TLR5: variants seen among roughly 807,000 people sequenced by gnomAD.
TLR5 encodes the protein toll-like receptor 5.
For synonymous variants in TLR5, 373 were observed against 384.4 expected (o/e 0.97, Z 0.35); for missense variants, 944 against 999.8 (o/e 0.94, Z 0.75).
At chr1:223,115,955 T>G (rs1376687514) in intron 5 of TLR5, among the ~76,000 whole-genome samples, 1 of 152,182 alleles carries the variant, frequency 6.6e-6, no homozygotes, top group Non-Finnish European at 1.5e-5. Context: ...CTCAGGACCT[T>G]CGCAAGTGCT....
At chr1:223,127,909 C>T (rs1425964404) in intron 5 of TLR5, 2 of 152,522 alleles carry the variant, frequency 1.3e-5, no homozygotes, top group African/African-American at 2.4e-5. Context: ...GCAGCAGCAG[C>T]AGCACCTGGG....
chr1:223,119,339 G>A (rs748737707), intron 5 of TLR5, among the ~76,000 whole-genome samples: 2 of 151,970 alleles, frequency 1.3e-5, no homozygotes, highest in Non-Finnish European at 2.9e-5. Context: ...GTTTTTGCAC[G>A]GTTTTAATAT....
intron 3 of TLR5, among the ~76,000 whole-genome samples, chr1:223,135,922 T>C (rs551381712): frequency 1.4e-4 from 21 of 152,262 alleles, no homozygotes; most frequent in Admixed American, 2.6e-4. Context: ...GACTTTTTTT[T>C]CCCCCTCTCC....
intron 5 of TLR5, among the ~76,000 whole-genome samples, chr1:223,115,468 C>A (rs1347543156): frequency 6.6e-6 from 1 of 152,176 alleles, no homozygotes; most frequent in Non-Finnish European, 1.5e-5. Context: ...CCAGGACGGT[C>A]TTGAACTCCT....
intron 5 of TLR5, chr1:223,129,209 CG>C (rs1657296527): frequency 6.6e-6 from 1 of 152,294 alleles, no homozygotes; most frequent in African/African-American, 2.4e-5. Context: ...GCCTCCTGCA[CG>C]TCTACACCTG....
intron 5 of TLR5, among the ~76,000 whole-genome samples, chr1:223,120,106 G>A (rs1191089549): frequency 6.6e-6 from 1 of 151,552 alleles, no homozygotes; most frequent in African/African-American, 2.4e-5. Context: ...CATATTTTGA[G>A]AGGGCGCTGC....
Position 223,110,113 on chromosome 1 carries a change from C to T in TLR5, c.*342G>A, listed in dbSNP as rs574123901. On this transcript the variant is annotated 3_prime_UTR_variant, in exon 6 of 6. Coordinates refer to ENST00000642603, the MANE Select transcript of TLR5 (RefSeq NM_003268.6). ...TTTTAGCTGAATGCTAGAGAAAGCA[C>T]GTCAGCCATCTGCAACTTCTCCCAA... 7 of 324,404 alleles carry T rather than the reference C, an allele frequency of 2.2e-5. No individual in the cohort carries two copies. Among genetic ancestry groups the T allele is most frequent in the Admixed American group, 1.4e-4 (3 of 20,906 alleles). 20.1% of individuals were successfully genotyped at this position (324,404 alleles called of 1,614,324 possible).
At chr1:223,120,238 G>C (rs1311465548) in intron 5 of TLR5, among the ~76,000 whole-genome samples, 2 of 152,056 alleles carry the variant, frequency 1.3e-5, no homozygotes, top group African/African-American at 4.8e-5. Flanking sequence ...TCATGAAAGA[G>C]ACATTTACCA....
chr1:223,123,288 C>A (rs538860477), intron 5 of TLR5, among the ~76,000 whole-genome samples: 1 of 152,282 alleles, frequency 6.6e-6, no homozygotes, highest in South Asian at 2.1e-4. Flanking sequence ...ATGGATGACT[C>A]AATGCCGGTT....
intron 5 of TLR5, among the ~76,000 whole-genome samples, chr1:223,124,117 G>A (rs1294234588): frequency 6.6e-6 from 1 of 152,190 alleles, no homozygotes; most frequent in Non-Finnish European, 1.5e-5. Flanking sequence ...GAGCTAGGGT[G>A]TTTCACACTT....
In TLR5 at chr1:223,112,710, ATATCTTACTACTT is replaced by A. The variant is rs773117864; in HGVS notation, c.309_321del (p.Ser104ThrfsTer29). 1.2e-6 allele frequency: 2 copies of A among 1,614,244 alleles called. No individual in the cohort carries two copies. Among genetic ancestry groups the A allele is most frequent in the South Asian group, 2.2e-5 (2 of 91,088 alleles). On this transcript the variant is annotated frameshift_variant, in exon 6 of 6. Coordinates refer to ENST00000642603, the MANE Select transcript of TLR5 (RefSeq NM_003268.6). LOFTEE classifies it low-confidence loss of function (END_TRUNC). ...TGAAAAGCATCTGGATGCAAGAAGT[ATATCTTACTACTT>A]CCCAGGTCCAAGATTCTAAGGTTGG...
At position 223,112,488 on chromosome 1, in the gene TLR5, T is replaced by G. The variant is rs1427790652; in HGVS notation, c.544A>C (p.Ile182Leu). The change falls in exon 6 of 6, where the codon ATA becomes CTA. Residue 182 changes from isoleucine (I) to leucine (L), a missense_variant. Physicochemically the swap from Ile to Leu is conservative, Grantham distance 5 (BLOSUM62 2). Coordinates refer to ENST00000642603, the MANE Select transcript of TLR5 (RefSeq NM_003268.6). ...AGCTCATGTTCACATACAAGGAATA[T>G]TTGGTTGGAGGAAAAATCTATGGAC... ...LKSIDFSSNQ[I>L]FLVCEHELEP... 1 of 1,614,248 alleles carries G rather than the reference T, an allele frequency of 6.2e-7. No homozygotes were observed. The highest frequency in any genetic ancestry group is 8.5e-7 in the Non-Finnish European group (1 of 1,180,040).
rs947727334 is a variant in TLR5 at position 223,112,582 on chromosome 1, C to T, written c.450G>A (p.Leu150=). 3.7e-6 allele frequency: 6 copies of T among 1,614,204 alleles called. No homozygotes were observed. Among genetic ancestry groups the T allele is most frequent in the Non-Finnish European group, 5.1e-6 (6 of 1,180,028 alleles). The change falls in exon 6 of 6, where the codon TTG becomes TTA. Residue 150 remains leucine, a synonymous_variant. Coordinates refer to ENST00000642603, the MANE Select transcript of TLR5 (RefSeq NM_003268.6). ...TACGAATCTGATTTTTGGATAGATC[C>T]AAGCGAGTTAAAGCCTTTAAATTTC... The part of the protein sequence containing the change: ...YFRNLKALTR[L]DLSKNQIRSL...
At chr1:223,135,912 G>T (rs1382888798) in intron 3 of TLR5, among the ~76,000 whole-genome samples, 1 of 152,014 alleles carries the variant, frequency 6.6e-6, no homozygotes, top group Non-Finnish European at 1.5e-5. Flanking sequence ...TTTGAGATTT[G>T]ACTTTTTTTT....
In TLR5 at chr1:223,112,148, A is replaced by G. The variant is rs763232542; in HGVS notation, c.884T>C (p.Leu295Pro). The G allele has an allele frequency of 1.2e-6, 2 of 1,614,122 alleles. No homozygotes were observed. The highest frequency in any genetic ancestry group is 1.7e-6 in the Non-Finnish European group (2 of 1,180,054). Reference protein sequence around the residue: ...LARSSVRHLDLSHGFVFSLNS... With the variant: ...LARSSVRHLDPSHGFVFSLNS... Reference sequence around the variant, plus strand: ...CAGGGAGAAGACAAACCCATGTGAAAGATCCAGGTGTCTCACTGAACTTCT... The same window carrying G: ...CAGGGAGAAGACAAACCCATGTGAAGGATCCAGGTGTCTCACTGAACTTCT... Residue 295 changes from leucine (L) to proline (P), a missense_variant, in exon 6 of 6, where the codon CTT becomes CCT. By Grantham distance (98) the Leu-to-Pro change is moderately conservative. Coordinates refer to ENST00000642603, the MANE Select transcript of TLR5 (RefSeq NM_003268.6).
Position 223,110,661 on chromosome 1 carries a change from C to T in TLR5, c.2371G>A (p.Val791Met), listed in dbSNP as rs1656270829. 1 of 1,614,170 alleles carries T rather than the reference C, an allele frequency of 6.2e-7. No individual in the cohort carries two copies. Among genetic ancestry groups the T allele is most frequent in the East Asian group, 2.2e-5 (1 of 44,878 alleles). Residue 791 changes from valine (V) to methionine (M), a missense_variant, in exon 6 of 6, where the codon GTG (valine) becomes ATG (methionine). Transcript: ENST00000642603. Reference sequence around the variant, plus strand: ...TGGTACTGGGACAAGGACCCAACCACCACCATGATGAGAGCACTGTTAAGG... The same window carrying T: ...TGGTACTGGGACAAGGACCCAACCATCACCATGATGAGAGCACTGTTAAGG... ...SDLNSALIMV[V>M]VGSLSQYQLM...
At chr1:223,134,115 A>G (rs1324694891) in intron 4 of TLR5, among the ~76,000 whole-genome samples, 2 of 152,166 alleles carry the variant, frequency 1.3e-5, no homozygotes, top group South Asian at 2.1e-4. Flanking sequence ...AATCACAGCA[A>G]TAAGTTTCTA....
chr1:223,123,313 CAA>C (rs1657024003), intron 5 of TLR5, among the ~76,000 whole-genome samples: 1 of 152,136 alleles, frequency 6.6e-6, no homozygotes, highest in Admixed American at 6.5e-5. Context: ...AACATGCCAC[CAA>C]ACTGGGTGAC....
At position 223,111,013 on chromosome 1, in the gene TLR5, T is replaced by C. The variant is rs1321716877; in HGVS notation, c.2019A>G (p.Thr673=). Residue 673 remains threonine (T), a synonymous_variant, in exon 6 of 6, where the codon ACA becomes ACG. Transcript: ENST00000642603. The part of the protein sequence containing the change: ...FRGFCFICYK[T]AQRLVFKDHP... Reference sequence around the variant, plus strand: ...GGTCCTTGAACACCAGTCTCTGGGCTGTCTTATAACAGATAAAACAGAAGC... The same window carrying C: ...GGTCCTTGAACACCAGTCTCTGGGCCGTCTTATAACAGATAAAACAGAAGC... 1 of 1,614,242 alleles carries C rather than the reference T, an allele frequency of 6.2e-7. No individual in the cohort carries two copies. The highest frequency in any genetic ancestry group is 1.7e-5 in the Admixed American group (1 of 60,030).
Sources: gnomAD v4.1 joint callset for allele counts (sites outside exome capture counted in the v4.1 genomes callset) on GRCh38, gnomAD v4.1.1 for gene constraint, MANE v1.5 for transcripts, NCBI Gene and HGNC (gene_info 2026-07-23, HGNC 2026-07-21) for gene names.